The following TRIO variants were observed in gnomAD, a reference collection of about 807,000 sequenced individuals.
TRIO encodes the protein trio Rho guanine nucleotide exchange factor.
TRIO carries 58 observed loss-of-function variants against 351.9 expected under a neutral mutation model. The ratio of observed to expected loss-of-function variants is 0.16; its 90% CI spans 0.13 to 0.21. The LOEUF is 0.21. TRIO is among the 10% of genes least tolerant of loss of function. The probability of loss-of-function intolerance (pLI) is 1.00; values close to 1 mark genes in which losing one functional copy is unlikely to be tolerated. For synonymous variants in TRIO, 1,758 were observed against 1,595.7 expected, an observed-to-expected ratio of 1.10 and a Z score of -2.42; for missense variants, 3,201 against 4,027.8, an observed-to-expected ratio of 0.79 and a Z score of 5.56.
At chr5:14,355,145 A>G (rs553286804) in intron 11 of TRIO, among the ~76,000 whole-genome samples, 1 of 152,310 alleles carries the variant, frequency 6.6e-6, no homozygotes, top group East Asian at 1.9e-4. Flanking sequence ...CACCACCTGC[A>G]TGTGGAAGGC....
chr5:14,189,728 C>CTT (rs199627264), intron 1 of TRIO, among the ~76,000 whole-genome samples: 2 of 144,132 alleles, frequency 1.4e-5, no homozygotes, highest in Admixed American at 7.0e-5. Flanking sequence ...TTCGTTTTAA[C>CTT]TTTTTTTTTT....
Position 14,487,992 on chromosome 5 carries a change from C to T in TRIO, c.7364C>T (p.Ser2455Leu), listed in dbSNP as rs1440981769. Residue 2455 changes from serine to leucine, a missense_variant, in exon 48 of 57, where the codon TCG (serine) becomes TTG (leucine). Transcript: ENST00000344204. The part of the protein sequence containing the change: ...PLGKPRAGAA[S>L]PLNSPLSSAV... Reference sequence around the variant, plus strand: ...GGGAAGCCCCGGGCCGGGGCCGCTTCGCCGCTGAACTCGCCGCTCTCCAGC... The same window carrying T: ...GGGAAGCCCCGGGCCGGGGCCGCTTTGCCGCTGAACTCGCCGCTCTCCAGC... The T allele has an allele frequency of 6.4e-6, 10 of 1,562,346 alleles. No individual in the cohort carries two copies. The highest frequency in any genetic ancestry group is 1.9e-5 in the Admixed American group (1 of 53,576).
chr5:14,475,756 G>A (rs1396837294), intron 40 of TRIO, among the ~76,000 whole-genome samples: 1 of 152,218 alleles, frequency 6.6e-6, no homozygotes, highest in African/African-American at 2.4e-5. Context: ...TTTTAAGGCT[G>A]TGAAGGGAAG....
At chr5:14,408,191 A>C (rs1748891099) in intron 33 of TRIO, among the ~76,000 whole-genome samples, 1 of 152,208 alleles carries the variant, frequency 6.6e-6, no homozygotes, top group Non-Finnish European at 1.5e-5. Context: ...TTAGTCCCAG[A>C]CTGGCCTTTT....
intron 33 of TRIO, among the ~76,000 whole-genome samples, chr5:14,418,319 A>G (rs1267871902): frequency 2.0e-5 from 3 of 152,112 alleles, no homozygotes; most frequent in Non-Finnish European, 4.4e-5. Context: ...ACGTGTTTTT[A>G]GAAGGTCTCC....
chr5:14,423,667 G>A (rs1265234777), intron 34 of TRIO, among the ~76,000 whole-genome samples: 1 of 152,154 alleles, frequency 6.6e-6, no homozygotes, highest in Non-Finnish European at 1.5e-5. Flanking sequence ...AAATAGTGTT[G>A]TCACAAACCT....
At chr5:14,302,739 T>C (rs767917044) in intron 7 of TRIO, among the ~76,000 whole-genome samples, 2 of 152,254 alleles carry the variant, frequency 1.3e-5, no homozygotes, top group Admixed American at 6.5e-5. Context: ...CACATTTCTT[T>C]CTGGTCAGTT....
At chr5:14,414,859 G>T (rs997278906) in intron 33 of TRIO, among the ~76,000 whole-genome samples, 1 of 152,320 alleles carries the variant, frequency 6.6e-6, no homozygotes, top group South Asian at 2.1e-4. Context: ...CTGCTGATCA[G>T]CCCGAGTCTC....
In TRIO at chr5:14,461,004, C is replaced by T; in HGVS notation, c.5204-15C>T. 1.3e-6 allele frequency: 2 copies of T among 1,546,362 alleles called. No homozygotes were observed. Among genetic ancestry groups the T allele is most frequent in the Non-Finnish European group, 1.7e-6 (2 of 1,143,528 alleles). On this transcript the variant is annotated splice_polypyrimidine_tract_variant and intron_variant, in intron 34 of 56. Coordinates refer to ENST00000344204, the MANE Select transcript of TRIO (RefSeq NM_007118.4). ...TGTGCGAGTCAGTGATACTCCCTCT[C>T]TTTCTCCCTGGCAGACTCGCTCTCC...
At chr5:14,145,658 CCT>C (rs1787471579) in intron 1 of TRIO, among the ~76,000 whole-genome samples, 1 of 152,158 alleles carries the variant, frequency 6.6e-6, no homozygotes, top group South Asian at 2.1e-4. Context: ...GAATTCAGCT[CCT>C]CTCTGTTAGA....
chr5:14,439,361 A>G (rs1258098658), intron 34 of TRIO, among the ~76,000 whole-genome samples: 1 of 152,220 alleles, frequency 6.6e-6, no homozygotes, highest in African/African-American at 2.4e-5. Context: ...TTTCCCATAC[A>G]TCTTTAGCCA....
Position 14,403,054 on chromosome 5 carries a change from G to A in TRIO, c.4716+1990G>A, listed in dbSNP as rs146720545. ...GTGGTGAAGGTGCAGGTTGTGGTGG[G>A]TTGTGAGGGTGCAGGTTGTGGTGAG... On this transcript the variant is annotated intron_variant, in intron 31 of 56. Coordinates refer to ENST00000344204, the MANE Select transcript of TRIO (RefSeq NM_007118.4). Among the ~76,000 whole-genome samples, 139 of 142,918 alleles carry A rather than the reference G, an allele frequency of 9.7e-4. No individual in the cohort carries two copies. In the East Asian group the frequency reaches 0.025, roughly 25 times the overall value. 93.8% of individuals were successfully genotyped at this position (142,918 alleles called of 152,430 possible). A position where few individuals can be genotyped will look rare whatever the true frequency, so the allele number is the denominator to read the frequency against.
intron 1 of TRIO, among the ~76,000 whole-genome samples, chr5:14,145,394 A>C (rs1440387231): frequency 3.3e-5 from 5 of 152,064 alleles, no homozygotes; most frequent in Non-Finnish European, 7.4e-5. Flanking sequence ...GTCCAGTGTT[A>C]GCTTGGGGTT....
At chr5:14,358,792 A>G (rs1025864266) in intron 12 of TRIO, among the ~76,000 whole-genome samples, 3 of 152,154 alleles carry the variant, frequency 2.0e-5, no homozygotes, top group African/African-American at 7.2e-5. Context: ...TCAAAGCAGG[A>G]TATGGAGGCA....
chr5:14,447,444 T>A (rs1321981673), intron 34 of TRIO, among the ~76,000 whole-genome samples: 3 of 152,184 alleles, frequency 2.0e-5, no homozygotes, highest in African/African-American at 7.2e-5. Flanking sequence ...ATAAATTTTT[T>A]AAAATAATAA....
intron 55 of TRIO, 193 bp downstream of exon 55, chr5:14,504,786 C>T: frequency 2.9e-6 from 2 of 699,768 alleles, no homozygotes; most frequent in East Asian, 2.8e-5. Flanking sequence ...TGGTCTTCCA[C>T]AGGGCGGTTG....
At chr5:14,386,311 C>T (rs747069045) in intron 21 of TRIO, among the ~76,000 whole-genome samples, 7 of 151,672 alleles carry the variant, frequency 4.6e-5, no homozygotes, top group Non-Finnish European at 7.4e-5. Flanking sequence ...AGCTGGGGGA[C>T]GGGGGTGCTG....
intron 40 of TRIO, among the ~76,000 whole-genome samples, chr5:14,475,042 C>A (rs1377424522): frequency 6.6e-6 from 1 of 152,180 alleles, no homozygotes; most frequent in Non-Finnish European, 1.5e-5. Context: ...CCACTACATT[C>A]CCCACACCTA....
At chr5:14,162,394 A>G (rs1788520536) in intron 1 of TRIO, among the ~76,000 whole-genome samples, 1 of 152,146 alleles carries the variant, frequency 6.6e-6, no homozygotes, top group African/African-American at 2.4e-5. Flanking sequence ...GTAATTTAAC[A>G]CTCTTCTAGC....
Sources: gnomAD v4.1 joint callset for allele counts (sites outside exome capture counted in the v4.1 genomes callset) on GRCh38, gnomAD v4.1.1 for gene constraint, MANE v1.5 for transcripts, NCBI Gene and HGNC (gene_info 2026-07-23, HGNC 2026-07-21) for gene names.